ZDHHC23: variants seen among roughly 807,000 people sequenced by gnomAD.
The protein encoded by ZDHHC23 is zDHHC palmitoyltransferase 23, also known as palmitoyltransferase ZDHHC23.
Under a neutral mutation model 40.2 loss-of-function variants are expected in ZDHHC23, and 41 were observed. The ratio of observed to expected loss-of-function variants is 1.02; its 90% CI spans 0.79 to 1.32. The LOEUF (loss-of-function observed/expected upper bound fraction) is 1.32, where lower values mean the gene tolerates loss of function less well. Among genes scored for constraint, ZDHHC23 ranks in the 40% most tolerant of loss-of-function variants. ZDHHC23 has a pLI of 0.00. For synonymous variants in ZDHHC23, 204 were observed against 210.2 expected (o/e 0.97, Z 0.26); for missense variants, 471 against 541.5 (o/e 0.87, Z 1.29).
At chr3:113,965,300 T>C, downstream of ZDHHC23, 1 of 1,611,396 alleles carries the variant, frequency 6.2e-7, no homozygotes, top group South Asian at 1.1e-5. Flanking sequence ...TTTTACTCTT[T>C]CCTCTTTCAT....
downstream of ZDHHC23, chr3:113,965,197 TG>T: frequency 4.3e-6 from 7 of 1,610,406 alleles, no homozygotes; most frequent in Non-Finnish European, 5.9e-6. Context: ...ACCAAGTATC[TG>T]ATTGCTGATA....
intron 2 of ZDHHC23, 150 bp downstream of exon 2, chr3:113,949,113 G>A (rs1938422282): frequency 2.9e-6 from 3 of 1,020,770 alleles, no homozygotes; most frequent in Non-Finnish European, 4.2e-6. Flanking sequence ...TGTCAAGTGT[G>A]AGGATTTTAG....
In ZDHHC23 at chr3:113,948,684, A is replaced by C. The variant is rs1374388933; in HGVS notation, c.-117-2A>C. The C allele has an allele frequency of 1.7e-6, 2 of 1,198,408 alleles. No individual in the cohort carries two copies. Among genetic ancestry groups the C allele is most frequent in the Non-Finnish European group, 2.3e-6 (2 of 855,244 alleles). 74.2% of individuals were successfully genotyped at this position (1,198,408 alleles called of 1,614,324 possible). A position where few individuals can be genotyped will look rare whatever the true frequency, so the allele number is the denominator to read the frequency against. On this transcript the variant is annotated splice_acceptor_variant, in intron 1 of 4. Coordinates refer to ENST00000638807, the MANE Select transcript of ZDHHC23 (RefSeq NM_001320466.2). LOFTEE classifies it low-confidence loss of function (5UTR_SPLICE). Reference sequence around the variant, plus strand: ...TCTCTCTTCTCATTTTTGATTGCTCAGGCGTTGGAGGTTAAGCAGAGAGAG... The same window carrying C: ...TCTCTCTTCTCATTTTTGATTGCTCCGGCGTTGGAGGTTAAGCAGAGAGAG...
chr3:113,965,171 C>T (rs763667765), downstream of ZDHHC23: 1 of 1,601,986 alleles, frequency 6.2e-7, no homozygotes, highest in Non-Finnish European at 8.5e-7. Flanking sequence ...GTTCACCAGA[C>T]TTGTCTTACT....
chr3:113,953,194 A>G (rs753023987), intron 2 of ZDHHC23, among the ~76,000 whole-genome samples: 8 of 152,066 alleles, frequency 5.3e-5, no homozygotes, highest in Non-Finnish European at 8.8e-5. Context: ...CTCTCTATTC[A>G]TACACATGCT....
chr3:113,950,338 C>T (rs1056544749), intron 2 of ZDHHC23, among the ~76,000 whole-genome samples: 1 of 152,140 alleles, frequency 6.6e-6, no homozygotes, highest in Non-Finnish European at 1.5e-5. Flanking sequence ...ATCTATTGCT[C>T]ACAGTTCTAG....
chr3:113,958,868 G>C lies in ZDHHC23; in HGVS notation c.*238G>C. 1 of 1,331,854 alleles carries C rather than the reference G, an allele frequency of 7.5e-7. No individual in the cohort carries two copies. The highest frequency in any genetic ancestry group is 1.2e-5 in the South Asian group (1 of 80,448). The allele number at this position is 1,331,854 out of a possible 1,614,324, so 82.5% of individuals were successfully genotyped here. On this transcript the variant is annotated 3_prime_UTR_variant, in exon 5 of 5. Coordinates refer to ENST00000638807, the MANE Select transcript of ZDHHC23 (RefSeq NM_001320466.2). ...TCCAGTCACCTTTTTAATTGACTCAGTTGCCTGAACTTGAGAAGGATGTGG... is the reference window on the plus strand; with the variant it reads ...TCCAGTCACCTTTTTAATTGACTCACTTGCCTGAACTTGAGAAGGATGTGG...
the ZDHHC23 span, among the ~76,000 whole-genome samples, chr3:113,972,255 T>C: frequency 1.3e-5 from 2 of 152,138 alleles, no homozygotes; most frequent in African/African-American, 4.8e-5. Context: ...TACTATAACC[T>C]ATAGATTTTG....
rs754172889 is a variant in ZDHHC23, at chr3:113,960,713, C to T, written c.*2083C>T. 3 of 1,598,154 alleles carry T rather than the reference C, an allele frequency of 1.9e-6. No individual in the cohort carries two copies. The East Asian group carries it at 6.8e-5, about 36-fold the overall frequency. Reference sequence around the variant, plus strand: ...GACAATTTTTTTTAACAACTTACCTCTAATAGGGTTACTTGGATGAGCCAA... The same window carrying T: ...GACAATTTTTTTTAACAACTTACCTTTAATAGGGTTACTTGGATGAGCCAA... On this transcript the variant is annotated 3_prime_UTR_variant, in exon 5 of 5. Transcript: ENST00000638807.
At chr3:113,968,264 G>A (rs777168361), downstream of ZDHHC23, among the ~76,000 whole-genome samples, 2 of 152,108 alleles carry the variant, frequency 1.3e-5, no homozygotes, top group Non-Finnish European at 2.9e-5. Context: ...CTGTGTGAGG[G>A]TTTCCCTTTC....
At chr3:113,965,254 A>C, downstream of ZDHHC23, 4 of 1,611,738 alleles carry the variant, frequency 2.5e-6, no homozygotes, top group Non-Finnish European at 3.4e-6. Flanking sequence ...GAAGAATTTC[A>C]ACTACCTTCC....
the ZDHHC23 span, chr3:113,979,074 C>G: frequency 1.4e-6 from 2 of 1,466,426 alleles, no homozygotes; most frequent in Non-Finnish European, 1.9e-6. Flanking sequence ...ACAAACACAT[C>G]ACCTTTGGAA....
At chr3:113,956,957 T>G (rs958211668) in intron 4 of ZDHHC23, among the ~76,000 whole-genome samples, 1 of 152,270 alleles carries the variant, frequency 6.6e-6, no homozygotes, top group African/African-American at 2.4e-5. Flanking sequence ...TTTTGAGATG[T>G]GCTCGACATC....
chr3:113,955,153 C>T (rs548891410), intron 3 of ZDHHC23, among the ~76,000 whole-genome samples: 1 of 152,262 alleles, frequency 6.6e-6, no homozygotes, highest in Non-Finnish European at 1.5e-5. Context: ...TAATGCTTTT[C>T]GTGTCTAGGA....
At position 113,959,469 on chromosome 3, in the gene ZDHHC23, AAATAACTCC is replaced by A; in HGVS notation, c.*842_*850del. Reference sequence around the variant, plus strand: ...TATAAATTCTGCTTGGGTTTCTTATAAATAACTCCAACAGGCATTCATGTGTTTTTCCTC... The same window carrying A: ...TATAAATTCTGCTTGGGTTTCTTATAAACAGGCATTCATGTGTTTTTCCTC... On this transcript the variant is annotated 3_prime_UTR_variant, in exon 5 of 5. Transcript: ENST00000638807. 7.9e-7 allele frequency: 1 copy of A among 1,262,080 alleles called. No homozygotes were observed. The highest frequency in any genetic ancestry group is 1.0e-6 in the Non-Finnish European group (1 of 967,182). 78.2% of individuals were successfully genotyped at this position (1,262,080 alleles called of 1,614,324 possible).
chr3:113,970,328 T>C (rs1470165435), downstream of ZDHHC23, among the ~76,000 whole-genome samples: 1 of 152,070 alleles, frequency 6.6e-6, no homozygotes, highest in African/African-American at 2.4e-5. Flanking sequence ...CCTTTTCAAT[T>C]TGGATACATT....
chr3:113,949,115 G>A (rs1938422630), intron 2 of ZDHHC23, 152 bp downstream of exon 2: 6 of 1,024,662 alleles, frequency 5.9e-6, no homozygotes, highest in Non-Finnish European at 7.0e-6. Context: ...TCAAGTGTGA[G>A]GATTTTAGAA....
chr3:113,950,538 G>A (rs985056362), intron 2 of ZDHHC23, among the ~76,000 whole-genome samples: 2 of 151,904 alleles, frequency 1.3e-5, no homozygotes, highest in Non-Finnish European at 2.9e-5. Context: ...ACCTCCTTAA[G>A]GTCTCACCTC....
downstream of ZDHHC23, among the ~76,000 whole-genome samples, chr3:113,967,598 A>AT (rs2107550548): frequency 6.6e-6 from 1 of 152,252 alleles, no homozygotes; most frequent in Admixed American, 6.5e-5. Context: ...GGTATTTGGG[A>AT]TATCCATCAC....
Sources: gnomAD v4.1 joint callset for allele counts (sites outside exome capture counted in the v4.1 genomes callset) on GRCh38, gnomAD v4.1.1 for gene constraint, MANE v1.5 for transcripts, NCBI Gene and HGNC (gene_info 2026-07-23, HGNC 2026-07-21) for gene names.